PRKAR1B: variants seen among roughly 807,000 people sequenced by gnomAD.
PRKAR1B encodes the protein cAMP-dependent protein kinase type I-beta regulatory subunit.
Under a neutral mutation model 46.5 loss-of-function variants are expected in PRKAR1B, and 22 were observed. That is an observed-to-expected ratio of 0.47 (90% CI 0.34 to 0.68). The LOEUF (loss-of-function observed/expected upper bound fraction) is 0.68, where lower values mean the gene tolerates loss of function less well. PRKAR1B is among the 30% of genes least tolerant of loss of function. The pLI, the probability that PRKAR1B is intolerant of heterozygous loss-of-function variation, is 0.01. For synonymous variants in PRKAR1B, 259 were observed against 217.7 expected (o/e 1.19, Z -1.67); for missense variants, 445 against 535.6 (o/e 0.83, Z 1.67).
At position 704,247 on chromosome 7, in the gene PRKAR1B, C is replaced by T. The variant is rs968399962; in HGVS notation, c.177+7082G>A. On this transcript the variant is annotated intron_variant, in intron 2 of 10. Transcript: ENST00000537384. Reference sequence around the variant, plus strand: ...AAATCTAAACAAAAATAGACAAAATCGATGAAATTAAAATCTAACTCTTTG... The same window carrying T: ...AAATCTAAACAAAAATAGACAAAATTGATGAAATTAAAATCTAACTCTTTG... Among the ~76,000 whole-genome samples, 6 of 152,038 alleles carry T rather than the reference C, an allele frequency of 3.9e-5. No homozygotes were observed. The East Asian group carries it at 5.8e-4, about 15-fold the overall frequency.
chr7:592,978 GTGAGCCGAGATTGTGCCA>G (rs1456308795), intron 7 of PRKAR1B, among the ~76,000 whole-genome samples: 1 of 152,238 alleles, frequency 6.6e-6, no homozygotes, highest in Non-Finnish European at 1.5e-5. Flanking sequence ...GGAGGCTACA[GTGAGCCGAGATTGTGCCA>G]CTGCACTCCA....
intron 2 of PRKAR1B, among the ~76,000 whole-genome samples, chr7:681,743 C>A (rs1206152105): frequency 6.6e-6 from 1 of 152,248 alleles, no homozygotes; most frequent in Non-Finnish European, 1.5e-5. Flanking sequence ...TGCCCACAGA[C>A]AAGTGCTTCG....
intron 1 of PRKAR1B, among the ~76,000 whole-genome samples, chr7:721,541 G>A (rs536361571): frequency 7.2e-5 from 11 of 152,200 alleles, no homozygotes; most frequent in South Asian, 2.1e-4. Context: ...CCAGTTACTC[G>A]AGAGGCTGAG....
rs2128416328 is a variant in PRKAR1B, at chr7:550,343, C to T, written c.*87G>A. Reference sequence around the variant, plus strand: ...ACCCAGCCCCACCCGGCCCACACCTCACACAGCGGCTCCCGGGCCCCCGAC... The same window carrying T: ...ACCCAGCCCCACCCGGCCCACACCTTACACAGCGGCTCCCGGGCCCCCGAC... On this transcript the variant is annotated 3_prime_UTR_variant, in exon 11 of 11. Transcript: ENST00000537384. 7.5e-7 allele frequency: 1 copy of T among 1,325,438 alleles called. No homozygotes were observed. The highest frequency in any genetic ancestry group is 1.5e-5 in the African/African-American group (1 of 68,824). 82.1% of individuals were successfully genotyped at this position (1,325,438 alleles called of 1,614,324 possible).
At chr7:675,272 C>G (rs577158450) in intron 4 of PRKAR1B, among the ~76,000 whole-genome samples, 1 of 152,326 alleles carries the variant, frequency 6.6e-6, no homozygotes, top group African/African-American at 2.4e-5. Flanking sequence ...CCATCACTGG[C>G]GAGGAGCACA....
intron 1 of PRKAR1B, among the ~76,000 whole-genome samples, chr7:724,867 G>A (rs1781194351): frequency 6.6e-6 from 1 of 152,222 alleles, no homozygotes; most frequent in Non-Finnish European, 1.5e-5. Flanking sequence ...ACAAATGCCT[G>A]TTGGAGGAAA....
chr7:695,256 A>C (rs907579434), intron 2 of PRKAR1B, among the ~76,000 whole-genome samples: 2 of 152,104 alleles, frequency 1.3e-5, no homozygotes, highest in Non-Finnish European at 2.9e-5. Flanking sequence ...AGGCAGGATG[A>C]TCTCTGCCAA....
chr7:613,727 C>T (rs1243432870), intron 4 of PRKAR1B, among the ~76,000 whole-genome samples: 1 of 152,226 alleles, frequency 6.6e-6, no homozygotes, highest in African/African-American at 2.4e-5. Flanking sequence ...CGACCAGGCC[C>T]ACCTGGAAAA....
intron 4 of PRKAR1B, among the ~76,000 whole-genome samples, chr7:675,299 C>G (rs916678704): frequency 6.6e-6 from 1 of 152,238 alleles, no homozygotes; most frequent in Non-Finnish European, 1.5e-5. Context: ...AACAATGCGT[C>G]TAGTGTGTTC....
chr7:713,845 C>T (rs532655937), intron 1 of PRKAR1B, among the ~76,000 whole-genome samples: 3 of 152,372 alleles, frequency 2.0e-5, no homozygotes, highest in Admixed American at 6.5e-5. Context: ...AGGCCACCCT[C>T]GGGGGTCAAA....
intron 7 of PRKAR1B, among the ~76,000 whole-genome samples, chr7:588,681 A>ATGGTGATGGTGATGG (rs201663338): frequency 9.9e-5 from 2 of 20,190 alleles, no homozygotes; most frequent in Non-Finnish European, 1.1e-4. Flanking sequence ...GGTGATGACG[A>ATGGTGATGGTGATGG]TGATGGTGAT....
intron 2 of PRKAR1B, among the ~76,000 whole-genome samples, chr7:681,152 T>C (rs1778659965): frequency 6.6e-6 from 1 of 152,052 alleles, no homozygotes; most frequent in Non-Finnish European, 1.5e-5. Context: ...CCTGCTGCCT[T>C]GTGAAGAAGC....
chr7:635,701 G>C (rs1254902478), intron 4 of PRKAR1B, among the ~76,000 whole-genome samples: 1 of 152,148 alleles, frequency 6.6e-6, no homozygotes, highest in African/African-American at 2.4e-5. Flanking sequence ...TCTTTGAGCA[G>C]GGGAGAGAAG....
chr7:633,639 C>T (rs1783884787), intron 4 of PRKAR1B, among the ~76,000 whole-genome samples: 1 of 152,102 alleles, frequency 6.6e-6, no homozygotes, highest in Admixed American at 6.6e-5. Context: ...TGGTGCATGC[C>T]TGTGGTCCTG....
intron 1 of PRKAR1B, among the ~76,000 whole-genome samples, chr7:722,006 G>A (rs990077361): frequency 6.6e-6 from 1 of 151,984 alleles, no homozygotes; most frequent in East Asian, 1.9e-4. Context: ...TCTTAGTATG[G>A]GGTTTTTGGA....
chr7:626,648 T>A (rs1029043554), intron 4 of PRKAR1B, among the ~76,000 whole-genome samples: 3 of 151,256 alleles, frequency 2.0e-5, no homozygotes, highest in Non-Finnish European at 4.4e-5. Context: ...AATAATTCTA[T>A]GAGGACAGCT....
intron 9 of PRKAR1B, among the ~76,000 whole-genome samples, chr7:570,701 G>A (rs978271631): frequency 9.2e-5 from 14 of 152,208 alleles, no homozygotes; most frequent in African/African-American, 2.9e-4. Flanking sequence ...CGGCCATTGC[G>A]GCCGTCACAC....
intron 2 of PRKAR1B, among the ~76,000 whole-genome samples, chr7:705,498 T>C (rs1780278873): frequency 6.6e-6 from 1 of 152,018 alleles, no homozygotes; most frequent in African/African-American, 2.4e-5. Context: ...CTTATAAACA[T>C]ACACTTACCC....
chr7:670,938 T>C (rs1233842253), intron 4 of PRKAR1B, among the ~76,000 whole-genome samples: 1 of 152,224 alleles, frequency 6.6e-6, no homozygotes, highest in African/African-American at 2.4e-5. Context: ...CCGGAGATGA[T>C]CGTGGCTGCA....
Sources: allele counts gnomAD v4.1 joint callset (sites outside exome capture counted in the v4.1 genomes callset), GRCh38; gene constraint gnomAD v4.1.1; transcripts MANE v1.5; gene names NCBI Gene and HGNC (gene_info 2026-07-23, HGNC 2026-07-21).